The following RBM27 variants were observed in gnomAD, a reference collection of about 807,000 sequenced individuals.
RBM27 encodes the protein RNA binding motif protein 27.
RBM27 carries 22 observed loss-of-function variants against 135.3 expected under a neutral mutation model. The ratio of observed to expected loss-of-function variants is 0.16; its 90% CI spans 0.12 to 0.23. The LOEUF (loss-of-function observed/expected upper bound fraction) is 0.23. Ranked by LOEUF, RBM27 falls within the 10% of genes least tolerant of loss-of-function variation. RBM27 has a pLI of 1.00. For synonymous variants in RBM27, 481 were observed against 442.4 expected, an observed-to-expected ratio of 1.09 and a Z score of -1.10; for missense variants, 1,009 against 1,281.0, an observed-to-expected ratio of 0.79 and a Z score of 3.24.
Position 146,203,962 on chromosome 5 carries a change from A to T in RBM27, c.59+138A>T, listed in dbSNP as rs953758827. 6 of 840,460 alleles carry T rather than the reference A, an allele frequency of 7.1e-6. No individual in the cohort carries two copies. In the Admixed American group the frequency reaches 1.7e-4, roughly 23 times the overall value. The allele number at this position is 840,460 out of a possible 1,614,324, so 52.1% of individuals were successfully genotyped here. ...GTCCCGGCGACGCCTTCCCTGTAGT[A>T]CTATCACCATTGTGGTGGGGGTGAG... On this transcript the variant is annotated intron_variant, in intron 1 of 20. Transcript: ENST00000265271.
chr5:146,240,246 C>T (rs1305815068), intron 8 of RBM27, among the ~76,000 whole-genome samples: 6 of 151,772 alleles, frequency 4.0e-5, no homozygotes, highest in Admixed American at 3.9e-4. Flanking sequence ...TCACCTCTTT[C>T]TAGGCCCAAA....
intron 19 of RBM27, among the ~76,000 whole-genome samples, chr5:146,280,742 C>T (rs1313850893): frequency 6.6e-6 from 1 of 152,178 alleles, no homozygotes; most frequent in East Asian, 1.9e-4. Context: ...ACACAGTTGC[C>T]AGTCCCCTCA....
At chr5:146,229,685 C>T (rs1581164226) in intron 4 of RBM27, 32 bp from the exon 5 acceptor site, 2 of 1,531,144 alleles carry the variant, frequency 1.3e-6, no homozygotes, top group Non-Finnish European at 1.8e-6. Context: ...TTTCTATAGC[C>T]TGCATATGGC....
chr5:146,249,047 A>G (rs1476812008), intron 8 of RBM27, among the ~76,000 whole-genome samples: 1 of 152,098 alleles, frequency 6.6e-6, no homozygotes, highest in Non-Finnish European at 1.5e-5. Flanking sequence ...CAGTGGCACA[A>G]TCGTGGCTCA....
At chr5:146,245,285 A>G (rs545603577) in intron 8 of RBM27, 1 of 152,134 alleles carries the variant, frequency 6.6e-6, no homozygotes, top group Non-Finnish European at 1.5e-5. Flanking sequence ...CCAACTCAGT[A>G]TATACTTTTG....
rs778632347 is a variant in RBM27, at chr5:146,269,290, A to C, written c.2526+9A>C. Reference sequence around the variant, plus strand: ...AAATAGAATGCCAAAAGGTAAGACAAGAGCTCATTATTTGCATGCTAGAAT... The same window carrying C: ...AAATAGAATGCCAAAAGGTAAGACACGAGCTCATTATTTGCATGCTAGAAT... On this transcript the variant is annotated intron_variant, in intron 16 of 20. Coordinates refer to ENST00000265271, the MANE Select transcript of RBM27 (RefSeq NM_018989.2). 6.3e-7 allele frequency: 1 copy of C among 1,588,550 alleles called. No homozygotes were observed. Among genetic ancestry groups the C allele is most frequent in the Non-Finnish European group, 8.6e-7 (1 of 1,162,154 alleles).
At chr5:146,214,415 A>T (rs1011698716) in intron 1 of RBM27, among the ~76,000 whole-genome samples, 4 of 152,190 alleles carry the variant, frequency 2.6e-5, no homozygotes, top group African/African-American at 9.6e-5. Flanking sequence ...TGAGTATGAG[A>T]AGAAAGAAGT....
Position 146,260,761 on chromosome 5 carries a change from C to A in RBM27, c.1756C>A (p.Gln586Lys), listed in dbSNP as rs1485885204. The stretch of plus-strand genomic sequence containing the variant: ...TCCTTTTAGGCAAGGAAATAACAAT[C>A]AAAATAAACCAGGGTTCTTACGAAA... Reference protein sequence around the residue: ...PWLGKQGNNNQNKPGFLRKNQ... With the variant: ...PWLGKQGNNNKNKPGFLRKNQ... Residue 586 changes from glutamine to lysine, a missense_variant, in exon 12 of 21, where the codon CAA becomes AAA. By Grantham distance (53) the Gln-to-Lys change is moderately conservative. Coordinates refer to ENST00000265271, the MANE Select transcript of RBM27 (RefSeq NM_018989.2). The A allele has an allele frequency of 5.6e-6, 9 of 1,604,650 alleles. No homozygotes were observed. Among genetic ancestry groups the A allele is most frequent in the East Asian group, 2.2e-5 (1 of 44,684 alleles).
chr5:146,288,991 A>G lies in RBM27; in HGVS notation c.*2961A>G, dbSNP rs1333938562. 1 of 152,122 alleles carries G rather than the reference A, an allele frequency of 6.6e-6. No homozygotes were observed. Among genetic ancestry groups the G allele is most frequent in the African/African-American group, 2.4e-5 (1 of 41,448 alleles). The allele number at this position is 152,122 out of a possible 1,614,324, so 9.4% of individuals were successfully genotyped here. A position where few individuals can be genotyped will look rare whatever the true frequency, so the allele number is the denominator to read the frequency against. ...AATTGTGAACTTGTGTAATAGTATA[A>G]TAGGAGATATTGTTGAATTTCTAAC... On this transcript the variant is annotated 3_prime_UTR_variant, in exon 21 of 21. Transcript: ENST00000265271.
intron 3 of RBM27, among the ~76,000 whole-genome samples, chr5:146,226,028 AT>A (rs11291937): frequency 0.74 from 97,114 of 130,700 alleles, 36,126 homozygotes; most frequent in Middle Eastern, 0.86. Flanking sequence ...AGCCTGCCTA[AT>A]TTTTTTTTTT....
chr5:146,279,174 G>T (rs554709388), intron 19 of RBM27, among the ~76,000 whole-genome samples: 1 of 151,980 alleles, frequency 6.6e-6, no homozygotes, highest in Non-Finnish European at 1.5e-5. Flanking sequence ...TTAGGGCTGG[G>T]TGCGGTGGCT....
chr5:146,270,876 A>C, intron 17 of RBM27, 78 bp from the exon 18 acceptor site: 1 of 868,872 alleles, frequency 1.2e-6, no homozygotes, highest in Non-Finnish European at 1.8e-6. Flanking sequence ...CATGTGTGTC[A>C]TTGTGTAACT....
chr5:146,208,548 A>G (rs536540411), intron 1 of RBM27, among the ~76,000 whole-genome samples: 1 of 152,360 alleles, frequency 6.6e-6, no homozygotes, highest in South Asian at 2.1e-4. Flanking sequence ...TGAATAGACT[A>G]GACTCAGTTC....
At chr5:146,217,354 T>G (rs759046693) in intron 1 of RBM27, among the ~76,000 whole-genome samples, 5 of 151,000 alleles carry the variant, frequency 3.3e-5, no homozygotes, top group African/African-American at 4.8e-5. Flanking sequence ...ATTACGAACT[T>G]TAAGCATAAA....
chr5:146,249,454 G>A (rs1350936292), intron 8 of RBM27, among the ~76,000 whole-genome samples: 1 of 151,940 alleles, frequency 6.6e-6, no homozygotes, highest in Non-Finnish European at 1.5e-5. Flanking sequence ...GGGAGGCCGA[G>A]GTGGGTGGAT....
chr5:146,254,500 T>C (rs775240450), intron 9 of RBM27, among the ~76,000 whole-genome samples: 6 of 151,802 alleles, frequency 4.0e-5, no homozygotes, highest in Admixed American at 3.9e-4. Context: ...CAGTCATCCC[T>C]TCACCTCAGG....
chr5:146,236,106 C>T (rs1012101526), intron 7 of RBM27, among the ~76,000 whole-genome samples: 10 of 152,210 alleles, frequency 6.6e-5, no homozygotes, highest in Non-Finnish European at 1.2e-4. Flanking sequence ...AAATAAAGAA[C>T]GTTATCTCAG....
At chr5:146,282,800 A>C (rs571571348) in intron 19 of RBM27, among the ~76,000 whole-genome samples, 13 of 152,270 alleles carry the variant, frequency 8.5e-5, no homozygotes, top group African/African-American at 3.1e-4. Context: ...TTAGATTCTT[A>C]CCAGTTTAGA....
intron 19 of RBM27, among the ~76,000 whole-genome samples, chr5:146,275,649 A>T (rs1319896858): frequency 1.3e-5 from 2 of 152,208 alleles, no homozygotes; most frequent in African/African-American, 2.4e-5. Flanking sequence ...TAATATCTTA[A>T]TGAAGTTAAT....
Sources: gnomAD v4.1 joint callset for allele counts (sites outside exome capture counted in the v4.1 genomes callset) on GRCh38, gnomAD v4.1.1 for gene constraint, MANE v1.5 for transcripts, NCBI Gene and HGNC (gene_info 2026-07-23, HGNC 2026-07-21) for gene names.